Variants in CNTN5 observed in about 807,000 individuals in gnomAD.
CNTN5 encodes contactin-5.
A neutral mutation model predicts 129.1 loss-of-function variants in CNTN5; 77 were observed. The observed-to-expected ratio is 0.60, with a 90% CI of 0.50 to 0.72. The LOEUF (loss-of-function observed/expected upper bound fraction) is 0.72, where lower values mean the gene tolerates loss of function less well. Ranked by LOEUF, CNTN5 falls within the 30% of genes least tolerant of loss-of-function variation. The pLI is 0.00. For missense variants in CNTN5, 1,478 were observed against 1,328.8 expected, an observed-to-expected ratio of 1.11 and a Z score of -1.75; for synonymous variants, 509 against 465.6, an observed-to-expected ratio of 1.09 and a Z score of -1.20.
intron 3 of CNTN5, among the ~76,000 whole-genome samples, chr11:99,715,205 T>A (rs1052530290): frequency 4.6e-5 from 7 of 150,844 alleles, no homozygotes; most frequent in Non-Finnish European, 1.0e-4. Flanking sequence ...TAAAAGAGAG[T>A]GAAATAGAAT....
At chr11:100,227,257 T>C (rs1949396326) in intron 16 of CNTN5, among the ~76,000 whole-genome samples, 1 of 152,124 alleles carries the variant, frequency 6.6e-6, no homozygotes, top group Admixed American at 6.6e-5. Flanking sequence ...ATTGTCTTCC[T>C]TCCCATGAGA....
intron 3 of CNTN5, among the ~76,000 whole-genome samples, chr11:99,600,224 T>C (rs1409758801): frequency 2.0e-5 from 3 of 149,818 alleles, no homozygotes; most frequent in African/African-American, 7.3e-5. Context: ...ACTCCATAAA[T>C]TTGCACAAAT....
intron 8 of CNTN5, among the ~76,000 whole-genome samples, chr11:99,970,164 A>G (rs756772619): frequency 1.3e-5 from 2 of 152,050 alleles, no homozygotes; most frequent in Admixed American, 1.3e-4. Context: ...TCTAATTCCA[A>G]CACTCCTTTA....
At chr11:99,410,943 A>G (rs12807160) in intron 2 of CNTN5, among the ~76,000 whole-genome samples, 1 of 152,226 alleles carries the variant, frequency 6.6e-6, no homozygotes, top group Non-Finnish European at 1.5e-5. Context: ...ACCACAGTAT[A>G]CAGTAATAGA....
intron 1 of CNTN5, among the ~76,000 whole-genome samples, chr11:99,284,600 GGT>G (rs71046675): frequency 0.038 from 4,722 of 124,504 alleles, 98 homozygotes; most frequent in East Asian, 0.09. Flanking sequence ...AGAGATGAGT[GGT>G]GTGTGTGTGT....
chr11:99,791,243 C>T (rs1671566177), intron 3 of CNTN5, among the ~76,000 whole-genome samples: 1 of 151,902 alleles, frequency 6.6e-6, no homozygotes, highest in East Asian at 1.9e-4. Context: ...CATGGTATTT[C>T]CTAGGTTATC....
chr11:99,311,083 C>T (rs1357779464), intron 1 of CNTN5, among the ~76,000 whole-genome samples: 1 of 152,134 alleles, frequency 6.6e-6, no homozygotes, highest in Non-Finnish European at 1.5e-5. Context: ...TGCACGATAC[C>T]ACGCCCGGAT....
intron 6 of CNTN5, among the ~76,000 whole-genome samples, chr11:99,912,978 A>G (rs1343971574): frequency 6.6e-6 from 1 of 152,112 alleles, no homozygotes; most frequent in Non-Finnish European, 1.5e-5. Flanking sequence ...AATAGAACAC[A>G]CGAACATGTA....
At chr11:99,581,012 A>T (rs1201799996) in intron 3 of CNTN5, among the ~76,000 whole-genome samples, 2 of 148,574 alleles carry the variant, frequency 1.3e-5, no homozygotes, top group African/African-American at 5.0e-5. Flanking sequence ...AATATGTCCC[A>T]GAGATTCTGG....
At chr11:100,000,642 G>A (rs1939800484) in intron 8 of CNTN5, among the ~76,000 whole-genome samples, 1 of 152,186 alleles carries the variant, frequency 6.6e-6, no homozygotes, top group African/African-American at 2.4e-5. Context: ...CCCCAGTGGG[G>A]ACACTGTGTG....
At chr11:99,183,412 A>C (rs1858179956) in intron 1 of CNTN5, among the ~76,000 whole-genome samples, 1 of 152,158 alleles carries the variant, frequency 6.6e-6, no homozygotes, top group Non-Finnish European at 1.5e-5. Flanking sequence ...AGATCATTAT[A>C]ACTATTGTTG....
intron 3 of CNTN5, among the ~76,000 whole-genome samples, chr11:99,815,863 G>A (rs112245000): frequency 1.3e-3 from 193 of 152,042 alleles, no homozygotes; most frequent in African/African-American, 4.6e-3. Flanking sequence ...TTTTGTCTAG[G>A]ATCCCAACTC....
intron 3 of CNTN5, among the ~76,000 whole-genome samples, chr11:99,632,687 G>C (rs989537755): frequency 4.6e-5 from 7 of 151,998 alleles, no homozygotes; most frequent in African/African-American, 1.7e-4. Flanking sequence ...CACTGAATCA[G>C]TAGAGTCTAG....
chr11:99,391,448 T>C (rs903301379), intron 2 of CNTN5, among the ~76,000 whole-genome samples: 1 of 152,116 alleles, frequency 6.6e-6, no homozygotes, highest in Non-Finnish European at 1.5e-5. Flanking sequence ...AAGCACTAAA[T>C]TTATGTCTTG....
At chr11:99,582,959 C>T (rs1949662107) in intron 3 of CNTN5, among the ~76,000 whole-genome samples, 1 of 152,180 alleles carries the variant, frequency 6.6e-6, no homozygotes, top group African/African-American at 2.4e-5. Context: ...GTGGTTTTAT[C>T]TACCTTTGGT....
At chr11:100,212,709 A>G (rs73561228) in intron 15 of CNTN5, among the ~76,000 whole-genome samples, 1 of 151,982 alleles carries the variant, frequency 6.6e-6, no homozygotes, top group Non-Finnish European at 1.5e-5. Context: ...GACTTTATCT[A>G]GTTCTAAAGT....
intron 4 of CNTN5, among the ~76,000 whole-genome samples, chr11:99,823,355 G>A (rs895411392): frequency 1.3e-5 from 2 of 152,066 alleles, no homozygotes; most frequent in African/African-American, 4.8e-5. Context: ...TATCTCAACA[G>A]GTTGGTATTC....
At chr11:99,840,511 C>A (rs1286622755) in intron 4 of CNTN5, among the ~76,000 whole-genome samples, 2 of 151,604 alleles carry the variant, frequency 1.3e-5, no homozygotes, top group East Asian at 1.9e-4. Flanking sequence ...TGAAACAATT[C>A]TTTTCTAAGA....
intron 9 of CNTN5, among the ~76,000 whole-genome samples, chr11:100,025,110 G>C (rs1035897551): frequency 4.6e-5 from 7 of 152,222 alleles, no homozygotes; most frequent in Admixed American, 3.3e-4. Flanking sequence ...CCTTGGAGGA[G>C]GAAAATGGTT....
Sources: gnomAD v4.1 joint callset for allele counts (sites outside exome capture counted in the v4.1 genomes callset) on GRCh38, gnomAD v4.1.1 for gene constraint, MANE v1.5 for transcripts, NCBI Gene and HGNC (gene_info 2026-07-23, HGNC 2026-07-21) for gene names.